Variants in SPATS2L observed in about 807,000 individuals in gnomAD.
SPATS2L encodes the protein spermatogenesis associated serine rich 2 like.
In SPATS2L, 30 loss-of-function variants were observed where a neutral mutation model predicts 59.6. The ratio of observed to expected loss-of-function variants is 0.50; its 90% CI spans 0.38 to 0.68. The LOEUF (loss-of-function observed/expected upper bound fraction) is 0.68. Ranked by LOEUF, SPATS2L falls within the 30% of genes least tolerant of loss-of-function variation. SPATS2L has a pLI of 0.00. For missense variants in SPATS2L, 615 were observed against 700.0 expected (o/e 0.88, Z 1.37); for synonymous variants, 252 against 263.5 (o/e 0.96, Z 0.42).
intron 8 of SPATS2L, among the ~76,000 whole-genome samples, chr2:200,447,983 A>G (rs2085164122): frequency 6.6e-6 from 1 of 152,220 alleles, no homozygotes. Flanking sequence ...CATCTCTACA[A>G]AAAATTTTAA....
intron 8 of SPATS2L, among the ~76,000 whole-genome samples, chr2:200,457,321 C>T (rs1028238323): frequency 6.6e-6 from 1 of 152,062 alleles, no homozygotes; most frequent in African/African-American, 2.4e-5. Flanking sequence ...CACAGGAGCA[C>T]AAAGCCTATT....
rs2084556295 is a variant in SPATS2L, at chr2:200,439,690, AC to A, written c.652+363del. 2.6e-5 allele frequency among the ~76,000 whole-genome samples: 4 copies of A among 152,314 alleles called. No homozygotes were observed. The South Asian group carries it at 6.2e-4, about 24-fold the overall frequency. The stretch of plus-strand genomic sequence containing the variant: ...TAAAAGGGACTCATGTTTCCCTGAT[AC>A]ACAATTGCTTGACTTGCATTGAACA... On this transcript the variant is annotated intron_variant, in intron 7 of 12. Transcript: ENST00000409140.
intron 2 of SPATS2L, among the ~76,000 whole-genome samples, chr2:200,337,969 A>G (rs1223631515): frequency 5.3e-5 from 8 of 152,174 alleles, no homozygotes; most frequent in African/African-American, 1.4e-4. Context: ...ATTTTCTTCT[A>G]TGATCTATAT....
chr2:200,447,054 A>G (rs2085096320), intron 8 of SPATS2L, among the ~76,000 whole-genome samples: 1 of 152,218 alleles, frequency 6.6e-6, no homozygotes, highest in African/African-American at 2.4e-5. Flanking sequence ...CAAAGGTTGT[A>G]GCTAATGATA....
intron 2 of SPATS2L, among the ~76,000 whole-genome samples, chr2:200,357,439 C>G (rs1285874713): frequency 6.6e-6 from 1 of 152,168 alleles, no homozygotes; most frequent in African/African-American, 2.4e-5. Flanking sequence ...TTCAGCTCAG[C>G]CTGTCACTTT....
intron 2 of SPATS2L, among the ~76,000 whole-genome samples, chr2:200,333,493 TTTTTA>T (rs1182924390): frequency 6.6e-6 from 1 of 151,830 alleles, no homozygotes; most frequent in African/African-American, 2.4e-5. Context: ...TTTTTTTTAT[TTTTTA>T]TTTTATTTTA....
chr2:200,465,694 G>A (rs1190946354), intron 9 of SPATS2L, among the ~76,000 whole-genome samples: 1 of 152,216 alleles, frequency 6.6e-6, no homozygotes, highest in Non-Finnish European at 1.5e-5. Context: ...ATGAGTTATA[G>A]ACTAATTATT....
intron 2 of SPATS2L, among the ~76,000 whole-genome samples, chr2:200,368,986 A>G (rs2081343028): frequency 6.6e-6 from 1 of 152,102 alleles, no homozygotes; most frequent in Admixed American, 6.6e-5. Context: ...TACCAAAGAT[A>G]ATGTACACAT....
intron 8 of SPATS2L, among the ~76,000 whole-genome samples, chr2:200,448,858 T>C (rs1198033963): frequency 6.6e-6 from 1 of 152,204 alleles, no homozygotes; most frequent in African/African-American, 2.4e-5. Flanking sequence ...GGCTAATAAA[T>C]ACATTTATGC....
At chr2:200,359,404 T>C (rs1436423463) in intron 2 of SPATS2L, among the ~76,000 whole-genome samples, 1 of 152,178 alleles carries the variant, frequency 6.6e-6, no homozygotes, top group Non-Finnish European at 1.5e-5. Flanking sequence ...AACATAGATA[T>C]CATGATGATG....
intron 6 of SPATS2L, among the ~76,000 whole-genome samples, chr2:200,426,393 A>G (rs946217810): frequency 6.6e-6 from 1 of 152,180 alleles, no homozygotes; most frequent in East Asian, 1.9e-4. Flanking sequence ...TAACATATAT[A>G]TAACTGATGT....
rs2079033152 is a variant in SPATS2L, at chr2:200,306,902, G to T, written c.-93G>T. 1 of 981,366 alleles carries T rather than the reference G, an allele frequency of 1.0e-6. No individual in the cohort carries two copies. Among genetic ancestry groups the T allele is most frequent in the Non-Finnish European group, 1.2e-6 (1 of 828,390 alleles). 60.8% of individuals were successfully genotyped at this position (981,366 alleles called of 1,614,324 possible). A position where few individuals can be genotyped will look rare whatever the true frequency, so the allele number is the denominator to read the frequency against. On this transcript the variant is annotated 5_prime_UTR_variant, in exon 1 of 13. Coordinates refer to ENST00000409140, the MANE Select transcript of SPATS2L (RefSeq NM_001100423.2). ...GCCCCGGCTCCGGCCCGGGACGGAG[G>T]AGCCGGCGCTCGACACAGAGGTAAG...
chr2:200,359,576 C>T (rs531578396), intron 2 of SPATS2L, among the ~76,000 whole-genome samples: 7 of 152,264 alleles, frequency 4.6e-5, no homozygotes, highest in South Asian at 2.1e-4. Context: ...AATATATTGG[C>T]GCTCAAGTCA....
intron 2 of SPATS2L, among the ~76,000 whole-genome samples, chr2:200,354,588 A>G (rs949139834): frequency 2.7e-5 from 4 of 150,790 alleles, no homozygotes; most frequent in African/African-American, 9.9e-5. Context: ...AGCCTGGGCG[A>G]CAGAGCAAGA....
chr2:200,467,326 A>G lies in SPATS2L; in HGVS notation c.884A>G (p.Glu295Gly). ...ACTGCTCGTCAGAAGAAAGCAGAAG[A>G]ACTAAAGAGACTCACTGACCTTGCC... ...ILTARQKKAEELKRLTDLASQ... is the reference protein window; with the variant it reads ...ILTARQKKAEGLKRLTDLASQ... The change falls in exon 10 of 13, where the codon GAA becomes GGA. Residue 295 changes from glutamate to glycine, a missense_variant. Physicochemically the swap from Glu to Gly is moderately conservative, Grantham distance 98. Around this residue, in one of 3 missense-constraint regions of SPATS2L, gnomAD observed 104 missense variants for 162.5 expected, o/e 0.64. Transcript: ENST00000409140. The G allele has an allele frequency of 6.2e-7, 1 of 1,614,038 alleles. No individual in the cohort carries two copies. Among genetic ancestry groups the G allele is most frequent in the Non-Finnish European group, 8.5e-7 (1 of 1,179,876 alleles).
chr2:200,384,219 C>G (rs1182416050), intron 2 of SPATS2L, among the ~76,000 whole-genome samples: 2 of 152,126 alleles, frequency 1.3e-5, no homozygotes, highest in South Asian at 4.1e-4. Context: ...TTGTTCTAAG[C>G]TAATAGATTT....
intron 2 of SPATS2L, among the ~76,000 whole-genome samples, chr2:200,349,299 G>A (rs2080631315): frequency 6.6e-6 from 1 of 152,134 alleles, no homozygotes; most frequent in African/African-American, 2.4e-5. Flanking sequence ...TGAGGAAACC[G>A]AGATCTAGAA....
chr2:200,324,010 G>A (rs186482327), intron 1 of SPATS2L, among the ~76,000 whole-genome samples: 320 of 152,250 alleles, frequency 2.1e-3, no homozygotes, highest in Non-Finnish European at 2.5e-3. Context: ...CCCAGTTCTG[G>A]TGATGTAGTG....
At chr2:200,323,178 A>C (rs1040525644) in intron 1 of SPATS2L, among the ~76,000 whole-genome samples, 4 of 152,136 alleles carry the variant, frequency 2.6e-5, no homozygotes, top group Admixed American at 6.5e-5. Flanking sequence ...TGCAGGTTGG[A>C]TTTACAGCAT....
Sources: gnomAD v4.1 joint callset for allele counts (sites outside exome capture counted in the v4.1 genomes callset) on GRCh38, gnomAD v4.1.1 for gene constraint, gnomAD v4.1.1 regional missense constraint, MANE v1.5 for transcripts, NCBI Gene and HGNC (gene_info 2026-07-23, HGNC 2026-07-21) for gene names.